Variants in NPC1 observed in about 807,000 individuals in gnomAD.
NPC1 encodes NPC intracellular cholesterol transporter 1.
In NPC1, 85 loss-of-function variants were observed where a neutral mutation model predicts 140.4. The observed-to-expected ratio is 0.61, with a 90% confidence interval of 0.51 to 0.72. NPC1 has a LOEUF of 0.72. NPC1 is among the 30% of genes least tolerant of loss of function. The probability of loss-of-function intolerance (pLI) is 0.00; values close to 1 mark genes in which losing one functional copy is unlikely to be tolerated. For synonymous variants in NPC1, 656 were observed against 624.8 expected, an observed-to-expected ratio of 1.05 and a Z score of -0.74; for missense variants, 1,504 against 1,623.8, an observed-to-expected ratio of 0.93 and a Z score of 1.27.
chr18:23,532,897 T>C (rs2058559083), intron 24 of NPC1: 3 of 985,174 alleles, frequency 3.0e-6, no homozygotes, highest in Admixed American at 6.2e-5. Context: ...GAAGTGGCCA[T>C]AGAAGTAAAA....
At chr18:23,515,148 C>T (rs2057966022) in intron 3 of NPC1, among the ~76,000 whole-genome samples, 1 of 152,064 alleles carries the variant, frequency 6.6e-6, no homozygotes, top group African/African-American at 2.4e-5. Context: ...TTCTTTTGGC[C>T]GTTTCCTGGA....
Position 23,556,327 on chromosome 18 carries a change from G to A in NPC1, c.1242C>T (p.Leu414=). 6.2e-7 allele frequency: 1 copy of A among 1,614,116 alleles called. No homozygotes were observed. The highest frequency in any genetic ancestry group is 8.5e-7 in the Non-Finnish European group (1 of 1,179,996). Residue 414 remains leucine (L), a synonymous_variant, in exon 8 of 25, where the codon CTC becomes CTT. Coordinates refer to ENST00000269228, the MANE Select transcript of NPC1 (RefSeq NM_000271.5). ...ATGGCTGGTAAATGTGTTTGTCAGT[G>A]AGAGGGGCCCGGATGATGAGCTGCT... ...RTEQLIIRAP[L]TDKHIYQPYP... is the part of the protein sequence containing the mutation.
intron 1 of NPC1, among the ~76,000 whole-genome samples, chr18:23,574,387 G>A (rs944227948): frequency 4.6e-5 from 7 of 152,110 alleles, no homozygotes; most frequent in Non-Finnish European, 1.0e-4. Flanking sequence ...TGTTCTACAG[G>A]GAAACAGAAG....
chr18:23,517,952 G>T (rs2058052660), downstream of NPC1, among the ~76,000 whole-genome samples: 1 of 152,060 alleles, frequency 6.6e-6, no homozygotes, highest in Non-Finnish European at 1.5e-5. Context: ...TCCTGGGCTC[G>T]GGTGATCCTC....
chr18:23,519,756 C>G (rs1395810914), downstream of NPC1, among the ~76,000 whole-genome samples: 1 of 152,116 alleles, frequency 6.6e-6, no homozygotes, highest in Non-Finnish European at 1.5e-5. Context: ...CTCTCTGTTG[C>G]AATTGTGAGC....
chr18:23,526,757 G>A, downstream of NPC1: 1 of 1,613,948 alleles, frequency 6.2e-7, no homozygotes, highest in Non-Finnish European at 8.5e-7. Context: ...CTGTCTGTCT[G>A]TTCACAGAGT....
intron 1 of NPC1, chr18:23,524,251 T>A: frequency 6.4e-7 from 1 of 1,568,492 alleles, no homozygotes; most frequent in Non-Finnish European, 8.8e-7. Flanking sequence ...GAAGTCCTCC[T>A]CCGGGCAGCT....
At chr18:23,521,534 GTCC>G (rs1598885882), downstream of NPC1, among the ~76,000 whole-genome samples, 14 of 152,284 alleles carry the variant, frequency 9.2e-5, no homozygotes, top group South Asian at 2.3e-3. Flanking sequence ...ACCCAAATCA[GTCC>G]TCCTTCTGTC....
At chr18:23,518,416 C>T (rs1305505566), downstream of NPC1, among the ~76,000 whole-genome samples, 1 of 152,046 alleles carries the variant, frequency 6.6e-6, no homozygotes, top group Non-Finnish European at 1.5e-5. Flanking sequence ...ATCGCCAAAG[C>T]CTAGGAGGTG....
At chr18:23,529,651 TTG>T (rs1238158058), downstream of NPC1, 1 of 1,614,040 alleles carries the variant, frequency 6.2e-7, no homozygotes, top group African/African-American at 1.3e-5. Context: ...CCTCATAAAT[TTG>T]TGATAGCCGT....
intron 10 of NPC1, among the ~76,000 whole-genome samples, chr18:23,550,033 T>C (rs565677522): frequency 2.0e-5 from 3 of 151,770 alleles, no homozygotes; most frequent in East Asian, 3.9e-4. Flanking sequence ...TTTTTTTTTT[T>C]CTGGCAAGGT....
chr18:23,548,795 G>A (rs1459911290), intron 10 of NPC1, among the ~76,000 whole-genome samples: 1 of 151,822 alleles, frequency 6.6e-6, no homozygotes, highest in East Asian at 1.9e-4. Flanking sequence ...TTTTTGGGGT[G>A]GGGGCCTGAC....
rs376410247 is a variant in NPC1 at position 23,542,456 on chromosome 18, G to A, written c.2245+999C>T. ...ATGTAGGCATTGCAGTTTGTGGCCC[G>A]TGGATGGTCTTCTTTGGACTGAGTG... On this transcript the variant is annotated intron_variant, in intron 14 of 24. Transcript: ENST00000269228. Among the ~76,000 whole-genome samples, 108 of 152,248 alleles carry A rather than the reference G, an allele frequency of 7.1e-4. No homozygotes were observed. In the South Asian group the frequency reaches 0.022, roughly 30 times the overall value.
intron 21 of NPC1, 46 bp downstream of exon 21, chr18:23,536,627 T>A: frequency 1.3e-6 from 2 of 1,545,280 alleles, no homozygotes; most frequent in Non-Finnish European, 8.9e-7. Flanking sequence ...CCACCCAGTG[T>A]AGGCCCTTTG....
At chr18:23,518,344 T>C (rs1029955551), downstream of NPC1, among the ~76,000 whole-genome samples, 27 of 152,044 alleles carry the variant, frequency 1.8e-4, no homozygotes, top group Non-Finnish European at 3.1e-4. Flanking sequence ...ATTTAAAAAT[T>C]AGCCAGGCAC....
In NPC1 at chr18:23,540,512, G is replaced by A. The variant is rs2145377976; in HGVS notation, c.2540C>T (p.Ser847Leu). 6.2e-7 allele frequency: 1 copy of A among 1,612,512 alleles called. No individual in the cohort carries two copies. Among genetic ancestry groups the A allele is most frequent in the Non-Finnish European group, 8.5e-7 (1 of 1,178,856 alleles). The change falls in exon 17 of 25, where the codon TCA becomes TTA. Residue 847 changes from serine to leucine, a missense_variant. Physicochemically the swap from Ser to Leu is moderately radical, Grantham distance 145. Coordinates refer to ENST00000269228, the MANE Select transcript of NPC1 (RefSeq NM_000271.5). ...TTTGTTCAGGACTGCGATGCTGAAT[G>A]ACAGAACACCCACAAATATTGCTAT... ...IVIAIFVGVL[S>L]FSIAVLNKVD...
chr18:23,527,677 T>C (rs2145275930), downstream of NPC1: 1 of 805,342 alleles, frequency 1.2e-6, no homozygotes, highest in Non-Finnish European at 2.1e-6. Context: ...GAGTGTCCTT[T>C]AAAGGTACTT....
At chr18:23,534,142 A>C (rs895748103) in intron 23 of NPC1, 42 of 510,426 alleles carry the variant, frequency 8.2e-5, no homozygotes, top group Non-Finnish European at 1.4e-4. Context: ...CGCACATCAC[A>C]CGCTGGGTTC....
chr18:23,516,783 T>C (rs951538322), intron 3 of NPC1, among the ~76,000 whole-genome samples: 1 of 151,536 alleles, frequency 6.6e-6, no homozygotes, highest in Admixed American at 6.6e-5. Context: ...TGGAGTGCAG[T>C]GGTGCAGTGT....
Sources: gnomAD v4.1 joint callset for allele counts (sites outside exome capture counted in the v4.1 genomes callset) on GRCh38, gnomAD v4.1.1 for gene constraint, MANE v1.5 for transcripts, NCBI Gene and HGNC (gene_info 2026-07-23, HGNC 2026-07-21) for gene names.